The following TRPM3 variants were observed in gnomAD, a reference collection of about 807,000 sequenced individuals.
The protein encoded by TRPM3 is long transient receptor potential channel 3.
TRPM3 carries 77 observed loss-of-function variants against 181.2 expected under a neutral mutation model. The ratio of observed to expected loss-of-function variants is 0.42; its 90% CI spans 0.35 to 0.51. TRPM3 has a LOEUF of 0.51. Ranked by LOEUF, TRPM3 falls within the 20% of genes least tolerant of loss-of-function variation. TRPM3 has a pLI of 0.01. For synonymous variants in TRPM3, 745 were observed against 796.4 expected, an observed-to-expected ratio of 0.94 and a Z score of 1.09; for missense variants, 1,759 against 2,196.7, an observed-to-expected ratio of 0.80 and a Z score of 3.98.
intron 1 of TRPM3, among the ~76,000 whole-genome samples, chr9:71,351,366 C>G (rs920578942): frequency 6.6e-6 from 1 of 152,166 alleles, no homozygotes; most frequent in African/African-American, 2.4e-5. Context: ...GCAATGTTGT[C>G]TGCCTTATTA....
At chr9:71,429,789 C>T (rs1036226518) in intron 1 of TRPM3, among the ~76,000 whole-genome samples, 1 of 152,106 alleles carries the variant, frequency 6.6e-6, no homozygotes, top group Non-Finnish European at 1.5e-5. Context: ...GACCTGGGTT[C>T]GAATCTCTCT....
At chr9:70,701,768 A>G (rs576800010) in intron 8 of TRPM3, among the ~76,000 whole-genome samples, 1 of 152,366 alleles carries the variant, frequency 6.6e-6, no homozygotes, top group African/African-American at 2.4e-5. Flanking sequence ...TGAAATAAAT[A>G]TAACTGCTTA....
chr9:70,827,011 T>A (rs971170457), intron 6 of TRPM3: 1 of 152,244 alleles, frequency 6.6e-6, no homozygotes, highest in African/African-American at 2.4e-5. Context: ...AACAAATGTT[T>A]ACACAATAAA....
At chr9:70,965,637 C>G (rs750140160) in intron 1 of TRPM3, among the ~76,000 whole-genome samples, 1 of 152,018 alleles carries the variant, frequency 6.6e-6, no homozygotes, top group African/African-American at 2.4e-5. Context: ...CCTACTTGAT[C>G]GTTGTGGATA....
At chr9:71,027,941 C>T (rs548703213) in intron 1 of TRPM3, among the ~76,000 whole-genome samples, 1 of 152,258 alleles carries the variant, frequency 6.6e-6, no homozygotes, top group South Asian at 2.1e-4. Flanking sequence ...GAGAGGCCAA[C>T]ATTCAAATTC....
intron 6 of TRPM3, among the ~76,000 whole-genome samples, chr9:70,811,004 T>C (rs1232974341): frequency 3.3e-5 from 5 of 152,124 alleles, no homozygotes; most frequent in Admixed American, 1.3e-4. Flanking sequence ...TGATAAATAA[T>C]AGGGAGTAAC....
chr9:70,897,697 C>G (rs1046583854), intron 1 of TRPM3, among the ~76,000 whole-genome samples: 3 of 152,132 alleles, frequency 2.0e-5, no homozygotes. Flanking sequence ...GGAGGGAACA[C>G]TCAGAGTATG....
intron 1 of TRPM3, among the ~76,000 whole-genome samples, chr9:71,032,476 T>A (rs1032796307): frequency 2.6e-5 from 4 of 151,936 alleles, no homozygotes; most frequent in African/African-American, 9.7e-5. Flanking sequence ...ATCTGTTTTA[T>A]AACAGTTTTT....
At chr9:71,180,729 T>C (rs2077354039) in intron 1 of TRPM3, among the ~76,000 whole-genome samples, 1 of 152,146 alleles carries the variant, frequency 6.6e-6, no homozygotes, top group Non-Finnish European at 1.5e-5. Flanking sequence ...AAAGCTTGTA[T>C]CATATAAGAT....
rs140065173 is a variant in TRPM3, at chr9:70,651,331, C to A, written c.1346-10671G>T. Among the ~76,000 whole-genome samples, 1,217 of 152,158 alleles carry A rather than the reference C, an allele frequency of 8.0e-3. 7 individuals are homozygous for A. Among genetic ancestry groups the A allele is most frequent in the South Asian group, 0.011 (54 of 4,820 alleles). On this transcript the variant is annotated intron_variant, in intron 9 of 25. Transcript: ENST00000677713. The stretch of plus-strand genomic sequence containing the variant: ...TCTCTGTATGCAGTCTATGCTAATC[C>A]CTTTTTTATTATTTATCATTTAAAA...
At chr9:71,364,194 C>T (rs1002996380) in intron 1 of TRPM3, among the ~76,000 whole-genome samples, 9 of 150,678 alleles carry the variant, frequency 6.0e-5, no homozygotes, top group African/African-American at 2.2e-4. Flanking sequence ...AAGAACTGGG[C>T]TCTCTCCTTT....
intron 7 of TRPM3, among the ~76,000 whole-genome samples, chr9:70,777,030 T>TTTGTTG (rs34245363): frequency 4.6e-5 from 7 of 151,908 alleles, no homozygotes; most frequent in African/African-American, 1.7e-4. Context: ...TATTTGGATT[T>TTTGTTG]TTGTTGTTGT....
chr9:70,679,382 C>A (rs1206822583), intron 9 of TRPM3, among the ~76,000 whole-genome samples: 1 of 152,118 alleles, frequency 6.6e-6, no homozygotes, highest in Admixed American at 6.6e-5. Context: ...TAAGACTGAG[C>A]TGAAAGTGAA....
chr9:71,307,749 T>G (rs1302250377), intron 1 of TRPM3, among the ~76,000 whole-genome samples: 2 of 152,148 alleles, frequency 1.3e-5, no homozygotes, highest in African/African-American at 4.8e-5. Flanking sequence ...TTCATTCACA[T>G]TTTCATTATC....
chr9:70,793,495 AC>A, intron 6 of TRPM3: 1 of 197,724 alleles, frequency 5.1e-6, no homozygotes, highest in South Asian at 9.5e-5. Context: ...TATATATAAA[AC>A]ACATATGTAT....
intron 9 of TRPM3, among the ~76,000 whole-genome samples, chr9:70,677,357 C>T (rs2064249426): frequency 6.6e-6 from 1 of 152,266 alleles, no homozygotes; most frequent in Non-Finnish European, 1.5e-5. Flanking sequence ...TCTAAGCACA[C>T]TGCCTATTGG....
intron 1 of TRPM3, among the ~76,000 whole-genome samples, chr9:71,246,351 A>G (rs2082033716): frequency 6.6e-6 from 1 of 152,228 alleles, no homozygotes; most frequent in Non-Finnish European, 1.5e-5. Flanking sequence ...CACATTTTAG[A>G]TTTGTGAATG....
intron 1 of TRPM3, among the ~76,000 whole-genome samples, chr9:71,298,087 G>A (rs1312690697): frequency 6.8e-6 from 1 of 145,998 alleles, no homozygotes; most frequent in Non-Finnish European, 1.5e-5. Flanking sequence ...AGTAAACTCT[G>A]CCACCAGAAA....
chr9:70,825,471 C>G (rs983793136), intron 6 of TRPM3: 2 of 152,318 alleles, frequency 1.3e-5, no homozygotes, highest in Non-Finnish European at 2.9e-5. Flanking sequence ...GTACTCTAGA[C>G]TCCTGACGGG....
Sources: gnomAD v4.1 joint callset for allele counts (sites outside exome capture counted in the v4.1 genomes callset) on GRCh38, gnomAD v4.1.1 for gene constraint, MANE v1.5 for transcripts, NCBI Gene and HGNC (gene_info 2026-07-23, HGNC 2026-07-21) for gene names.